PRAG1: variants seen among roughly 807,000 people sequenced by gnomAD.
PRAG1 encodes inactive tyrosine-protein kinase PRAG1.
PRAG1 carries 110 observed loss-of-function variants against 95.6 expected under a neutral mutation model. The observed-to-expected ratio is 1.15, with a 90% CI of 0.99 to 1.35. The LOEUF is 1.35. Among genes scored for constraint, PRAG1 ranks in the 40% most tolerant of loss-of-function variants. The pLI is 0.00. For missense variants in PRAG1, 2,554 were observed against 1,864.7 expected, an observed-to-expected ratio of 1.37 and a Z score of -6.81; for synonymous variants, 1,052 against 819.4, an observed-to-expected ratio of 1.28 and a Z score of -4.85.
In PRAG1 at chr8:8,318,783, G is replaced by C. The variant is rs1457096852; in HGVS notation, c.3592C>G (p.Pro1198Ala). Residue 1198 changes from proline (P) to alanine (A), a missense_variant, in exon 6 of 6, where the codon CCC becomes GCC. Physicochemically the swap from Pro to Ala is conservative, Grantham distance 27. Transcript: ENST00000615670. The surrounding 1 kb of genome is among the most constrained non-coding windows in gnomAD (Gnocchi z 4.2). The part of the protein sequence containing the change: ...AGGTLSPAAG[P>A]ASPEGPREKQ... ...TCCCGGGGCCCTTCCGGGGAGGCGG[G>C]GCCGGCTGCGGGGCTGAGAGTGCCA... The C allele has an allele frequency of 6.5e-7, 1 of 1,531,840 alleles. No homozygotes were observed. Among genetic ancestry groups the C allele is most frequent in the African/African-American group, 1.4e-5 (1 of 72,774 alleles). 94.9% of individuals were successfully genotyped at this position (1,531,840 alleles called of 1,614,324 possible). A position where few individuals can be genotyped will look rare whatever the true frequency, so the allele number is the denominator to read the frequency against.
intron 5 of PRAG1, among the ~76,000 whole-genome samples, chr8:8,323,919 A>G (rs1337211329): frequency 1.3e-5 from 2 of 152,220 alleles, no homozygotes; most frequent in East Asian, 3.8e-4. Flanking sequence ...GAGCGGGTAG[A>G]TGATTTTGCA....
intron 3 of PRAG1, among the ~76,000 whole-genome samples, chr8:8,350,748 G>A (rs1224778091): frequency 6.6e-6 from 1 of 152,160 alleles, no homozygotes; most frequent in Non-Finnish European, 1.5e-5. Context: ...TTTTGGAAAA[G>A]GCCCTTAATC....
At chr8:8,356,367 A>T (rs1399658697) in intron 3 of PRAG1, among the ~76,000 whole-genome samples, 1 of 152,184 alleles carries the variant, frequency 6.6e-6, no homozygotes, top group Non-Finnish European at 1.5e-5. Context: ...TTGTTTTGAG[A>T]CAGGGTCTCA....
At chr8:8,363,093 G>GTGTA (rs1554509604) in intron 3 of PRAG1, among the ~76,000 whole-genome samples, 2 of 142,244 alleles carry the variant, frequency 1.4e-5, no homozygotes, top group Middle Eastern at 3.6e-3. Context: ...GTGTGCGTGT[G>GTGTA]TATATATATA....
At chr8:8,344,424 G>C (rs1336742917) in intron 3 of PRAG1, among the ~76,000 whole-genome samples, 1 of 152,116 alleles carries the variant, frequency 6.6e-6, no homozygotes, top group Admixed American at 6.6e-5. Context: ...AACATATAAG[G>C]ATATATACAT....
chr8:8,319,235 A>C lies in PRAG1; in HGVS notation c.3140T>G (p.Ile1047Ser), dbSNP rs767886818. The C allele has an allele frequency of 1.9e-6, 3 of 1,564,070 alleles. No homozygotes were observed. The highest frequency in any genetic ancestry group is 2.6e-6 in the Non-Finnish European group (3 of 1,149,588). ...CSPSVPVHFNIQQDCGHFVAS... is the reference protein window; with the variant it reads ...CSPSVPVHFNSQQDCGHFVAS... ...GACGAAGTGGCCGCAGTCCTGCTGG[A>C]TGTTAAAGTGCACGGGCACGGACGG... The change falls in exon 6 of 6, where the codon ATC becomes AGC. Residue 1047 changes from isoleucine to serine, a missense_variant. Physicochemically the swap from Ile to Ser is moderately radical, Grantham distance 142. Coordinates refer to ENST00000615670, the MANE Select transcript of PRAG1 (RefSeq NM_001080826.3).
At chr8:8,360,932 C>T (rs1432617708) in intron 3 of PRAG1, among the ~76,000 whole-genome samples, 1 of 152,152 alleles carries the variant, frequency 6.6e-6, no homozygotes, top group Non-Finnish European at 1.5e-5. Flanking sequence ...ATATTTTGAC[C>T]TGGAGGATGT....
chr8:8,373,462 T>C (rs960651755), intron 3 of PRAG1, among the ~76,000 whole-genome samples: 1 of 151,450 alleles, frequency 6.6e-6, no homozygotes, highest in Non-Finnish European at 1.5e-5. Context: ...AGATTTTTTT[T>C]TTTTTGAGAC....
At chr8:8,321,164 G>A (rs898767657) in intron 5 of PRAG1, among the ~76,000 whole-genome samples, 4 of 152,156 alleles carry the variant, frequency 2.6e-5, no homozygotes, top group South Asian at 2.1e-4. Context: ...AGCTCACTGC[G>A]GTTTTGACCT....
intron 3 of PRAG1, among the ~76,000 whole-genome samples, chr8:8,368,356 G>T (rs531887941): frequency 6.6e-6 from 1 of 152,348 alleles, no homozygotes; most frequent in East Asian, 1.9e-4. Flanking sequence ...ATTTTACAGA[G>T]TTGTATGGGA....
rs959467528 is a variant in PRAG1 at position 8,373,324 on chromosome 8, C to T, written c.2162+2923G>A. Among the ~76,000 whole-genome samples the T allele has an allele frequency of 5.3e-5, 8 of 152,038 alleles. No homozygotes were observed. In the South Asian group the frequency reaches 6.2e-4, roughly 12 times the overall value. On this transcript the variant is annotated intron_variant, in intron 3 of 5. Transcript: ENST00000615670. ...CCTCTTATCTTCTCACAGGGAGATC[C>T]GAAAGATAATGTCAGTAATGCTTGA...
chr8:8,350,251 C>T (rs538329462), intron 3 of PRAG1, among the ~76,000 whole-genome samples: 3 of 152,200 alleles, frequency 2.0e-5, no homozygotes, highest in East Asian at 1.9e-4. Context: ...TATCCAGGTG[C>T]GGAGGTTTCA....
At chr8:8,362,826 A>T (rs1367913397) in intron 3 of PRAG1, among the ~76,000 whole-genome samples, 1 of 152,200 alleles carries the variant, frequency 6.6e-6, no homozygotes, top group Non-Finnish European at 1.5e-5. Flanking sequence ...TGGACCTCAC[A>T]GTCTAAGCTT....
chr8:8,370,890 T>A (rs1800173041), intron 3 of PRAG1, among the ~76,000 whole-genome samples: 1 of 152,136 alleles, frequency 6.6e-6, no homozygotes, highest in Non-Finnish European at 1.5e-5. Flanking sequence ...AGCTCACACC[T>A]GTAATCCCAA....
At chr8:8,367,458 CAAAAAAAAAAAAAAAAAA>C (rs1158165514) in intron 3 of PRAG1, among the ~76,000 whole-genome samples, 14 of 26,246 alleles carry the variant, frequency 5.3e-4, no homozygotes, top group Admixed American at 2.6e-3. Context: ...GACTCCATCT[CAAAAAAAAAAAAAAAAAA>C]AAAAAAAAAA....
At chr8:8,373,032 G>C (rs1349417023) in intron 3 of PRAG1, among the ~76,000 whole-genome samples, 6 of 152,090 alleles carry the variant, frequency 3.9e-5, no homozygotes, top group Non-Finnish European at 5.9e-5. Flanking sequence ...TTCACAAATG[G>C]GCCCATGTGA....
intron 3 of PRAG1, among the ~76,000 whole-genome samples, chr8:8,361,581 C>A (rs909702514): frequency 3.3e-5 from 5 of 152,202 alleles, no homozygotes; most frequent in Non-Finnish European, 7.3e-5. Flanking sequence ...AGAACAGGCC[C>A]TTGCCACCAG....
intron 4 of PRAG1, among the ~76,000 whole-genome samples, chr8:8,339,091 G>T (rs940803339): frequency 6.6e-6 from 1 of 151,362 alleles, no homozygotes; most frequent in Admixed American, 6.7e-5. Flanking sequence ...TGCACATGTA[G>T]ATGCAAAAGA....
chr8:8,349,984 GCA>G (rs139453472), intron 3 of PRAG1, among the ~76,000 whole-genome samples: 6 of 145,356 alleles, frequency 4.1e-5, no homozygotes, highest in African/African-American at 1.0e-4. Flanking sequence ...ACACATACAT[GCA>G]CACACACACA....
Sources: allele counts gnomAD v4.1 joint callset (sites outside exome capture counted in the v4.1 genomes callset), GRCh38; gene constraint gnomAD v4.1.1; non-coding constraint Gnocchi (gnomAD v3.1); transcripts MANE v1.5; gene names NCBI Gene and HGNC (gene_info 2026-07-23, HGNC 2026-07-21).